PNOC: variants seen among roughly 807,000 people sequenced by gnomAD.
PNOC encodes nociceptin.
PNOC carries 10 observed loss-of-function variants against 15.6 expected under a neutral mutation model. The ratio of observed to expected loss-of-function variants is 0.64; its 90% CI spans 0.40 to 1.09. The LOEUF (loss-of-function observed/expected upper bound fraction) is 1.09, where lower values mean the gene tolerates loss of function less well. Ranked by LOEUF, PNOC falls within the 50% of genes least tolerant of loss-of-function variation. PNOC has a pLI of 0.01. For missense variants in PNOC, 220 were observed against 223.9 expected, an observed-to-expected ratio of 0.98 and a Z score of 0.11; for synonymous variants, 98 against 88.5, an observed-to-expected ratio of 1.11 and a Z score of -0.60.
chr8:28,329,424 G>A (rs545595339), intron 2 of PNOC, 141 bp downstream of exon 2: 1 of 866,348 alleles, frequency 1.2e-6, no homozygotes, highest in African/African-American at 1.7e-5. Context: ...TGGCCCATAG[G>A]AAACAGATCA....
At chr8:28,332,932 C>T (rs1044436495) in intron 2 of PNOC, among the ~76,000 whole-genome samples, 3 of 152,162 alleles carry the variant, frequency 2.0e-5, no homozygotes, top group Non-Finnish European at 4.4e-5. Context: ...GCCTGGGGGA[C>T]AAAGTAAGAC....
chr8:28,338,647 G>C (rs984979123), intron 2 of PNOC: 1 of 999,850 alleles, frequency 1.0e-6, no homozygotes, highest in African/African-American at 1.7e-5. Context: ...AGCCTGAAGA[G>C]AGAACAAAAT....
intron 1 of PNOC, among the ~76,000 whole-genome samples, chr8:28,321,416 G>A (rs1215737668): frequency 6.6e-6 from 1 of 152,052 alleles, no homozygotes; most frequent in Non-Finnish European, 1.5e-5. Context: ...GAAGATGGGA[G>A]TTGAGAGCTA....
rs200639514 is a variant in PNOC at position 28,339,288 on chromosome 8, G to C, written c.375G>C (p.Gln125His). ...MEEAGEMEQKQLQKRFGGFTG... is the reference protein window; with the variant it reads ...MEEAGEMEQKHLQKRFGGFTG... ...AGGCTGGTGAGATGGAGCAGAAGCA[G>C]CTGCAGAAGAGATTTGGGGGCTTCA... Residue 125 changes from glutamine (Q) to histidine (H), a missense_variant, in exon 3 of 4, where the codon CAG (glutamine) becomes CAC (histidine). Gln to His is a conservative substitution (Grantham distance 24). Transcript: ENST00000301908. 460 of 1,611,198 alleles carry C rather than the reference G, an allele frequency of 2.9e-4. 1 individual carries two copies. Among genetic ancestry groups the C allele is most frequent in the Non-Finnish European group, 3.3e-4 (384 of 1,177,746 alleles).
intron 2 of PNOC, among the ~76,000 whole-genome samples, chr8:28,329,783 T>A (rs1001705785): frequency 6.6e-6 from 1 of 151,838 alleles, no homozygotes; most frequent in Non-Finnish European, 1.5e-5. Flanking sequence ...CAGAAAAAAA[T>A]AAAAAATACT....
chr8:28,339,302 T>G lies in PNOC; in HGVS notation c.389T>G (p.Phe130Cys). 4 of 1,612,124 alleles carry G rather than the reference T, an allele frequency of 2.5e-6. No homozygotes were observed. The highest frequency in any genetic ancestry group is 2.2e-5 in the South Asian group (2 of 90,932). The change falls in exon 3 of 4, where the codon TTT becomes TGT. Residue 130 changes from phenylalanine to cysteine, a missense_variant. Transcript: ENST00000301908. Reference protein sequence around the residue: ...EMEQKQLQKRFGGFTGARKSA... With the variant: ...EMEQKQLQKRCGGFTGARKSA... ...GAGCAGAAGCAGCTGCAGAAGAGAT[T>G]TGGGGGCTTCACCGGGGCCCGGAAG...
chr8:28,335,784 C>T (rs1801401338), intron 2 of PNOC, among the ~76,000 whole-genome samples: 1 of 152,188 alleles, frequency 6.6e-6, no homozygotes, highest in South Asian at 2.1e-4. Flanking sequence ...CCGCCTCAGC[C>T]TCCCAAAGTG....
chr8:28,331,158 C>T (rs1364934599), intron 2 of PNOC, among the ~76,000 whole-genome samples: 5 of 152,206 alleles, frequency 3.3e-5, no homozygotes, highest in Non-Finnish European at 5.9e-5. Context: ...CCAGTCATAA[C>T]TACCCAGGGC....
intron 1 of PNOC, among the ~76,000 whole-genome samples, chr8:28,326,514 C>A (rs1179763697): frequency 6.6e-6 from 1 of 152,098 alleles, no homozygotes; most frequent in African/African-American, 2.4e-5. Flanking sequence ...CAGCACTTCC[C>A]AAACTTTGGC....
chr8:28,341,284 A>G (rs1175199758), intron 3 of PNOC, among the ~76,000 whole-genome samples: 1 of 152,190 alleles, frequency 6.6e-6, no homozygotes, highest in African/African-American at 2.4e-5. Flanking sequence ...GAGAAAGCTG[A>G]TGTGTTTATT....
rs1369152376 is a variant in PNOC at position 28,327,565 on chromosome 8, C to CTTTTTTT, written c.-23-1566_-23-1565insTTTTTTT. 2.7e-5 allele frequency among the ~76,000 whole-genome samples: 4 copies of CTTTTTTT among 145,564 alleles called. 2 individuals carry two copies. Among genetic ancestry groups the CTTTTTTT allele is most frequent in the African/African-American group, 4.9e-5 (2 of 40,690 alleles). The stretch of plus-strand genomic sequence containing the variant: ...GGTGGCTTATAAACAACATAAAATT[C>CTTTTTTT]TTTTCTTTTTTTTTTTTTTGAGATG... On this transcript the variant is annotated intron_variant, in intron 1 of 3. Transcript: ENST00000301908.
chr8:28,319,792 G>C lies in PNOC; in HGVS notation c.-24+2476G>C, dbSNP rs148767688. Among the ~76,000 whole-genome samples, 29 of 152,292 alleles carry C rather than the reference G, an allele frequency of 1.9e-4. No homozygotes were observed. The South Asian group carries it at 4.6e-3, about 24-fold the overall frequency. On this transcript the variant is annotated intron_variant, in intron 1 of 3. Coordinates refer to ENST00000301908, the MANE Select transcript of PNOC (RefSeq NM_006228.5). The stretch of plus-strand genomic sequence containing the variant: ...TGGAGCTACTCCTCAGATATCTTAG[G>C]AAAGGGACGGGCCCTTCTCAGAAAA...
intron 3 of PNOC, among the ~76,000 whole-genome samples, chr8:28,342,575 T>C (rs1381051559): frequency 6.6e-6 from 1 of 152,172 alleles, no homozygotes; most frequent in East Asian, 1.9e-4. Flanking sequence ...TCATTCGTGG[T>C]CAGGTTATCA....
chr8:28,325,723 A>C (rs1203760875), intron 1 of PNOC, among the ~76,000 whole-genome samples: 3 of 151,492 alleles, frequency 2.0e-5, no homozygotes, highest in Admixed American at 6.6e-5. Flanking sequence ...TGGGAGCTAC[A>C]CGTGATCGGC....
chr8:28,327,561 AATTCT>A (rs141675537), intron 1 of PNOC, among the ~76,000 whole-genome samples: 25 of 131,638 alleles, frequency 1.9e-4, no homozygotes, highest in Non-Finnish European at 1.9e-4. Flanking sequence ...AACAACATAA[AATTCT>A]TTTCTTTTTT....
intron 2 of PNOC, among the ~76,000 whole-genome samples, chr8:28,336,881 A>G (rs1365501497): frequency 6.6e-6 from 1 of 151,934 alleles, no homozygotes; most frequent in Admixed American, 6.6e-5. Context: ...AGAGAGGAGG[A>G]AAAGATATGC....
intron 2 of PNOC, among the ~76,000 whole-genome samples, chr8:28,335,759 C>T (rs1044257242): frequency 1.3e-5 from 2 of 152,090 alleles, no homozygotes; most frequent in African/African-American, 4.8e-5. Context: ...AAACTCCCAA[C>T]CTCAGATGAT....
rs147306079 is a variant in PNOC, at chr8:28,335,496, A to G, written c.127-3544A>G. Among the ~76,000 whole-genome samples the G allele has an allele frequency of 1.2e-3, 176 of 152,276 alleles. 5 individuals carry two copies. In the East Asian group the frequency reaches 0.026, roughly 22 times the overall value. On this transcript the variant is annotated intron_variant, in intron 2 of 3. Coordinates refer to ENST00000301908, the MANE Select transcript of PNOC (RefSeq NM_006228.5). The stretch of plus-strand genomic sequence containing the variant: ...AAAATAAGTTTTAATCCCTGCTTCT[A>G]TTCTTCAGAGATTTAGTTGAGTCTT...
chr8:28,331,538 A>T (rs1452154590), intron 2 of PNOC, among the ~76,000 whole-genome samples: 1 of 152,126 alleles, frequency 6.6e-6, no homozygotes, highest in Non-Finnish European at 1.5e-5. Flanking sequence ...GGCTGCAGAA[A>T]ACTCCTAGAG....
Sources: gnomAD v4.1 joint callset for allele counts (sites outside exome capture counted in the v4.1 genomes callset) on GRCh38, gnomAD v4.1.1 for gene constraint, MANE v1.5 for transcripts, NCBI Gene and HGNC (gene_info 2026-07-23, HGNC 2026-07-21) for gene names.